Variants in MAN1C1 observed in about 807,000 individuals in gnomAD.
MAN1C1 encodes the protein mannosidase alpha class 1C member 1.
In MAN1C1, 49 loss-of-function variants were observed where a neutral mutation model predicts 71.5. The ratio of observed to expected loss-of-function variants is 0.69; its 90% CI spans 0.54 to 0.87. The LOEUF (loss-of-function observed/expected upper bound fraction) is 0.87, where lower values mean the gene tolerates loss of function less well. MAN1C1 is among the 40% of genes least tolerant of loss of function. The pLI is 0.00. For missense variants in MAN1C1, 743 were observed against 835.0 expected (o/e 0.89, Z 1.36); for synonymous variants, 352 against 343.7 (o/e 1.02, Z -0.27).
rs573854347 is a variant in MAN1C1 at position 25,736,483 on chromosome 1, A to C, written c.638-10185A>C. 5.3e-5 allele frequency among the ~76,000 whole-genome samples: 8 copies of C among 152,058 alleles called. No homozygotes were observed. The South Asian group carries it at 1.5e-3, about 28-fold the overall frequency. ...TTATATGTATTCTTCCAAACTCATC[A>C]CCATACCACCCTAAAAGGGAGACCT... On this transcript the variant is annotated intron_variant, in intron 2 of 11. Coordinates refer to ENST00000374332, the MANE Select transcript of MAN1C1 (RefSeq NM_020379.4).
chr1:25,698,051 C>T (rs972560081), intron 2 of MAN1C1, among the ~76,000 whole-genome samples: 107 of 152,336 alleles, frequency 7.0e-4, no homozygotes, highest in Non-Finnish European at 1.8e-4. Flanking sequence ...CCTTCACTTA[C>T]GGGTGATTTG....
intron 1 of MAN1C1, among the ~76,000 whole-genome samples, chr1:25,623,916 A>G (rs1277642457): frequency 6.6e-6 from 1 of 152,144 alleles, no homozygotes; most frequent in Non-Finnish European, 1.5e-5. Context: ...TTTCTTGAAA[A>G]TAGGGGCCAT....
chr1:25,635,213 T>A (rs1216195312), intron 1 of MAN1C1, among the ~76,000 whole-genome samples: 2 of 152,132 alleles, frequency 1.3e-5, no homozygotes, highest in Non-Finnish European at 2.9e-5. Flanking sequence ...TAATGTTTTC[T>A]CTTTATTAAA....
chr1:25,746,823 C>T lies in MAN1C1; in HGVS notation c.753+40C>T. On this transcript the variant is annotated intron_variant, in intron 3 of 11. Coordinates refer to ENST00000374332, the MANE Select transcript of MAN1C1 (RefSeq NM_020379.4). The surrounding 1 kb of genome is among the most constrained non-coding windows in gnomAD (Gnocchi z 4.0). The stretch of plus-strand genomic sequence containing the variant: ...CTCGGCGGGGGAGGGGGGCGGGGGC[C>T]AGAAGAGGCCCAACAGCCAGCTTCA... The T allele has an allele frequency of 7.8e-7, 1 of 1,285,538 alleles. No individual in the cohort carries two copies. Among genetic ancestry groups the T allele is most frequent in the South Asian group, 1.3e-5 (1 of 78,340 alleles). The allele number at this position is 1,285,538 out of a possible 1,614,324, so 79.6% of individuals were successfully genotyped here. A position where few individuals can be genotyped will look rare whatever the true frequency, so the allele number is the denominator to read the frequency against.
At chr1:25,687,541 G>C (rs2046249471) in intron 2 of MAN1C1, among the ~76,000 whole-genome samples, 1 of 152,200 alleles carries the variant, frequency 6.6e-6, no homozygotes, top group African/African-American at 2.4e-5. Flanking sequence ...CCAAATAACT[G>C]AGTCTGAGAT....
intron 1 of MAN1C1, among the ~76,000 whole-genome samples, chr1:25,635,258 A>C (rs1572108810): frequency 6.6e-6 from 1 of 152,210 alleles, no homozygotes; most frequent in South Asian, 2.1e-4. Context: ...GCATTATATA[A>C]AGCCAAGAAG....
At chr1:25,693,935 G>A (rs2046338684) in intron 2 of MAN1C1, among the ~76,000 whole-genome samples, 1 of 152,222 alleles carries the variant, frequency 6.6e-6, no homozygotes, top group Non-Finnish European at 1.5e-5. Flanking sequence ...AACACCTGGT[G>A]TATAGTACCT....
chr1:25,661,165 G>T (rs954010797), intron 1 of MAN1C1, among the ~76,000 whole-genome samples: 18 of 152,210 alleles, frequency 1.2e-4, no homozygotes, highest in African/African-American at 4.3e-4. Flanking sequence ...CATGCAGAGG[G>T]TTAGTTGTTA....
At chr1:25,750,740 C>T (rs2047203044) in intron 4 of MAN1C1, among the ~76,000 whole-genome samples, 1 of 152,166 alleles carries the variant, frequency 6.6e-6, no homozygotes, top group African/African-American at 2.4e-5. Context: ...CCACCCGGAG[C>T]CTGAATTTCA....
rs536780972 is a variant in MAN1C1 at position 25,710,720 on chromosome 1, C to T, written c.637+24184C>T. 1.8e-4 allele frequency among the ~76,000 whole-genome samples: 28 copies of T among 152,276 alleles called. 1 individual carries two copies. The South Asian group carries it at 5.2e-3, about 28-fold the overall frequency. On this transcript the variant is annotated intron_variant, in intron 2 of 11. Coordinates refer to ENST00000374332, the MANE Select transcript of MAN1C1 (RefSeq NM_020379.4). ...AATAGCGAGATAGACTTTCCCTTGTCGTGGCTGCTCAGTGACCTTCAAGTA... is the reference window on the plus strand; with the variant it reads ...AATAGCGAGATAGACTTTCCCTTGTTGTGGCTGCTCAGTGACCTTCAAGTA...
rs1044843564 is a variant in MAN1C1, at chr1:25,764,585, T to G, written c.1141+618T>G. Among the ~76,000 whole-genome samples, 1 of 151,986 alleles carries G rather than the reference T, an allele frequency of 6.6e-6. No individual in the cohort carries two copies. The highest frequency in any genetic ancestry group is 1.5e-5 in the Non-Finnish European group (1 of 67,996). ...GTGCCACCATGTCTGGCTACTTTTT[T>G]TGTATTTTTAGTAGAGATGGGGTTT... On this transcript the variant is annotated intron_variant, in intron 7 of 11. Transcript: ENST00000374332. This position sits in a 1 kb window ranked among gnomAD's most constrained non-coding sequence, Gnocchi z 4.4.
chr1:25,621,709 C>T (rs1016517642), intron 1 of MAN1C1, among the ~76,000 whole-genome samples: 9 of 151,982 alleles, frequency 5.9e-5, no homozygotes, highest in African/African-American at 1.7e-4. Flanking sequence ...CTGCAGCCTC[C>T]GCCTCCCAGG....
At chr1:25,627,192 A>G (rs1425461189) in intron 1 of MAN1C1, among the ~76,000 whole-genome samples, 1 of 152,172 alleles carries the variant, frequency 6.6e-6, no homozygotes, top group African/African-American at 2.4e-5. Context: ...TATATACAAT[A>G]TGGTTTTGTT....
chr1:25,712,190 C>T (rs549696055), intron 2 of MAN1C1, among the ~76,000 whole-genome samples: 7 of 152,346 alleles, frequency 4.6e-5, no homozygotes, highest in East Asian at 3.9e-4. Flanking sequence ...ATCAAACCAG[C>T]GTTCTGCTAT....
intron 1 of MAN1C1, among the ~76,000 whole-genome samples, chr1:25,685,034 G>A (rs977470950): frequency 4.6e-5 from 7 of 152,236 alleles, no homozygotes; most frequent in Admixed American, 3.9e-4. Context: ...TGAGAACTAA[G>A]AGACTGGATG....
chr1:25,698,590 C>T (rs147523252), intron 2 of MAN1C1, among the ~76,000 whole-genome samples: 4 of 152,174 alleles, frequency 2.6e-5, no homozygotes, highest in African/African-American at 4.8e-5. Context: ...ACCGTCCGTG[C>T]GAGTGCTGTG....
rs2045113665 is a variant in MAN1C1, at chr1:25,617,275, T to TCCG, written c.-523_-522insCCG. ...GGTGTGCGCGCGCTCGGGGCGGCGC[T>TCCG]GACACGCCAGCCCCCCATCGCCTCG... On this transcript the variant is annotated 5_prime_UTR_variant, in exon 1 of 12. Transcript: ENST00000374332. The surrounding 1 kb of genome is among the most constrained non-coding windows in gnomAD (Gnocchi z 5.1). 6.6e-6 allele frequency among the ~76,000 whole-genome samples: 1 copy of TCCG among 151,714 alleles called. No homozygotes were observed. The highest frequency in any genetic ancestry group is 6.6e-5 in the Admixed American group (1 of 15,252).
chr1:25,624,063 G>A (rs1406095658), intron 1 of MAN1C1, among the ~76,000 whole-genome samples: 2 of 152,202 alleles, frequency 1.3e-5, no homozygotes, highest in African/African-American at 2.4e-5. Context: ...GGCCAAGCAA[G>A]GCCTTTATGC....
intron 2 of MAN1C1, among the ~76,000 whole-genome samples, chr1:25,732,131 G>T (rs1377281438): frequency 4.6e-5 from 7 of 152,084 alleles, no homozygotes; most frequent in Non-Finnish European, 7.4e-5. Context: ...GGGTGCCCAG[G>T]CTCCTAGGGA....
Sources: gnomAD v4.1 joint callset for allele counts (sites outside exome capture counted in the v4.1 genomes callset) on GRCh38, gnomAD v4.1.1 for gene constraint, Gnocchi (gnomAD v3.1) non-coding constraint, MANE v1.5 for transcripts, NCBI Gene and HGNC (gene_info 2026-07-23, HGNC 2026-07-21) for gene names.